Variants in AP3S2 observed in about 807,000 individuals in gnomAD.
AP3S2 encodes adaptor related protein complex 3 subunit sigma 2, also known as AP-3 complex subunit sigma-2.
Under a neutral mutation model 23.4 loss-of-function variants are expected in AP3S2, and 22 were observed. The observed-to-expected ratio is 0.94, with a 90% CI of 0.67 to 1.34. The LOEUF (loss-of-function observed/expected upper bound fraction) is 1.34, where lower values mean the gene tolerates loss of function less well. AP3S2 is among the 40% of genes most tolerant of loss of function. The pLI, the probability that AP3S2 is intolerant of heterozygous loss-of-function variation, is 0.00. For synonymous variants in AP3S2, 86 were observed against 87.1 expected (o/e 0.99, Z 0.07); for missense variants, 241 against 236.9 (o/e 1.02, Z -0.11).
At chr15:89,861,115 A>G (rs1008639499) in intron 4 of AP3S2, among the ~76,000 whole-genome samples, 2 of 152,128 alleles carry the variant, frequency 1.3e-5, no homozygotes, top group African/African-American at 4.8e-5. Flanking sequence ...ACAAAACCCA[A>G]TATTACTGTT....
At chr15:89,848,977 AGTCCAAT>A (rs1895567829) in intron 4 of AP3S2, 1 of 152,222 alleles carries the variant, frequency 6.6e-6, no homozygotes, top group African/African-American at 2.4e-5. Context: ...TTCATTCCAA[AGTCCAAT>A]GTTTTATCGG....
At chr15:89,890,884 CTGAA>C (rs1896806143) in intron 1 of AP3S2, among the ~76,000 whole-genome samples, 1 of 152,144 alleles carries the variant, frequency 6.6e-6, no homozygotes, top group South Asian at 2.1e-4. Context: ...TATTTACTGA[CTGAA>C]TGAAAACTTG....
rs1896689509 is a variant in AP3S2, at chr15:89,885,931, T to C, written c.273+2590A>G. Among the ~76,000 whole-genome samples, 6 of 80,326 alleles carry C rather than the reference T, an allele frequency of 7.5e-5. No individual in the cohort carries two copies. In the South Asian group the frequency reaches 2.3e-3, roughly 31 times the overall value. The allele number at this position is 80,326 out of a possible 152,430, so 52.7% of individuals were successfully genotyped here. A position where few individuals can be genotyped will look rare whatever the true frequency, so the allele number is the denominator to read the frequency against. On this transcript the variant is annotated intron_variant, in intron 3 of 5. Transcript: ENST00000336418. ...ACTACAGTTTGAGAGCAAGACCTTG[T>C]CTCAAAAAAAAAAAAAAAAAAAAAA...
chr15:89,886,469 A>C (rs926123460), intron 3 of AP3S2: 1 of 152,040 alleles, frequency 6.6e-6, no homozygotes, highest in African/African-American at 2.4e-5. Context: ...TCTTTTAAAA[A>C]ATTTTCTTTA....
intron 4 of AP3S2, among the ~76,000 whole-genome samples, chr15:89,850,108 G>A (rs1895609276): frequency 6.6e-6 from 1 of 152,192 alleles, no homozygotes; most frequent in African/African-American, 2.4e-5. Flanking sequence ...CTGGTCCTAA[G>A]CAGCTCTGAA....
At chr15:89,886,237 A>T (rs1293992655) in intron 3 of AP3S2, among the ~76,000 whole-genome samples, 2 of 152,072 alleles carry the variant, frequency 1.3e-5, no homozygotes, top group East Asian at 3.9e-4. Context: ...GCTACTCGAG[A>T]GGCTGAGTAA....
At chr15:89,842,197 A>G (rs1250141961) in intron 4 of AP3S2, among the ~76,000 whole-genome samples, 2 of 151,696 alleles carry the variant, frequency 1.3e-5, no homozygotes, top group Non-Finnish European at 3.0e-5. Context: ...AAGGAGAGAA[A>G]TGGAAAAAAA....
intron 1 of AP3S2, chr15:89,893,460 A>G (rs1320221324): frequency 8.2e-6 from 3 of 365,716 alleles, no homozygotes; most frequent in Non-Finnish European, 1.5e-5. Context: ...AAAAAAAAGA[A>G]CTTTTCCAGT....
At chr15:89,867,773 T>A (rs1343644066) in intron 4 of AP3S2, among the ~76,000 whole-genome samples, 1 of 136,328 alleles carries the variant, frequency 7.3e-6, no homozygotes, top group Non-Finnish European at 1.6e-5. Context: ...ACCCTCTGCC[T>A]GGCAACCACC....
At chr15:89,893,806 G>A (rs2141909553) in intron 1 of AP3S2, 75 bp downstream of exon 1, 2 of 1,455,848 alleles carry the variant, frequency 1.4e-6, no homozygotes, top group African/African-American at 1.4e-5. Flanking sequence ...GTGCCCCCGG[G>A]CGCCGAGAGG....
rs979236527 is a variant in AP3S2 at position 89,888,925 on chromosome 15, C to A, written c.161+124G>T. The A allele has an allele frequency of 1.1e-5, 12 of 1,126,310 alleles. No homozygotes were observed. The Admixed American group carries it at 2.5e-4, about 23-fold the overall frequency. 69.8% of individuals were successfully genotyped at this position (1,126,310 alleles called of 1,614,324 possible). ...GAATTGTGTCTCTCCCTGAGCAGAT[C>A]ATGGTGAGACCAGCTAAAGTTGCAT... On this transcript the variant is annotated intron_variant, in intron 2 of 5. Coordinates refer to ENST00000336418, the MANE Select transcript of AP3S2 (RefSeq NM_005829.5).
rs1895157829 is a variant in AP3S2 at position 89,835,125 on chromosome 15, A to G, written c.*390T>C. The G allele has an allele frequency of 3.9e-6, 1 of 253,690 alleles. No individual in the cohort carries two copies. Among genetic ancestry groups the G allele is most frequent in the Non-Finnish European group, 7.4e-6 (1 of 134,238 alleles). The allele number at this position is 253,690 out of a possible 1,614,324, so 15.7% of individuals were successfully genotyped here. ...TAAGGATGAAGACTCTACTCAGAGA[A>G]GGTGCTCAGCCCTAGTGAGGAGGTT... On this transcript the variant is annotated 3_prime_UTR_variant, in exon 6 of 6. Transcript: ENST00000336418.
intron 4 of AP3S2, among the ~76,000 whole-genome samples, chr15:89,866,458 T>A (rs1197344553): frequency 6.6e-6 from 1 of 151,664 alleles, no homozygotes; most frequent in Non-Finnish European, 1.5e-5. Flanking sequence ...TTTCCAGGTG[T>A]TGGGCAGCTG....
intron 4 of AP3S2, among the ~76,000 whole-genome samples, chr15:89,851,342 T>C (rs1333504655): frequency 6.6e-6 from 1 of 151,812 alleles, no homozygotes; most frequent in Non-Finnish European, 1.5e-5. Flanking sequence ...TAATTCATCT[T>C]CTTTTTTTTT....
At chr15:89,866,554 C>T (rs113062599) in intron 4 of AP3S2, among the ~76,000 whole-genome samples, 23 of 150,666 alleles carry the variant, frequency 1.5e-4, no homozygotes, top group East Asian at 1.2e-3. Flanking sequence ...GGCATGATCT[C>T]GGCTCCCTGC....
At position 89,846,592 on chromosome 15, in the gene AP3S2, T is replaced by A. The variant is rs1478558822; in HGVS notation, c.346-8870A>T. Among the ~76,000 whole-genome samples the A allele has an allele frequency of 2.6e-5, 4 of 152,184 alleles. No individual in the cohort carries two copies. In the East Asian group the frequency reaches 7.7e-4, roughly 29 times the overall value. ...CCCAGGCTGGAGTGCAGTGGTGCGA[T>A]CTCGGCTCACTGCAACATCCGCCTC... On this transcript the variant is annotated intron_variant, in intron 4 of 5. Coordinates refer to ENST00000336418, the MANE Select transcript of AP3S2 (RefSeq NM_005829.5).
At chr15:89,874,127 GTTT>G (rs10602688) in intron 3 of AP3S2, among the ~76,000 whole-genome samples, 51 of 146,926 alleles carry the variant, frequency 3.5e-4, no homozygotes, top group Middle Eastern at 3.5e-3. Flanking sequence ...AGGGTTTTGG[GTTT>G]TTTTTTTTTT....
At chr15:89,854,894 TGGGG>T (rs1175002944) in intron 4 of AP3S2, among the ~76,000 whole-genome samples, 12 of 1,546 alleles carry the variant, frequency 7.8e-3, no homozygotes, top group Admixed American at 0.017. Flanking sequence ...GGGAGGGAGG[TGGGG>T]GGGGGGGGGG....
intron 4 of AP3S2, among the ~76,000 whole-genome samples, chr15:89,860,014 T>C (rs565498697): frequency 3.9e-4 from 59 of 151,986 alleles, no homozygotes; most frequent in Non-Finnish European, 6.9e-4. Context: ...TCTGTCCGCC[T>C]TGGCCCTCCC....
Sources: allele counts gnomAD v4.1 joint callset (sites outside exome capture counted in the v4.1 genomes callset), GRCh38; gene constraint gnomAD v4.1.1; transcripts MANE v1.5; gene names NCBI Gene and HGNC (gene_info 2026-07-23, HGNC 2026-07-21).